ADAMTSL1: variants seen among roughly 807,000 people sequenced by gnomAD.
ADAMTSL1 encodes the protein ADAMTS-like protein 1.
In ADAMTSL1, 126 loss-of-function variants were observed where a neutral mutation model predicts 201.8. That is an observed-to-expected ratio of 0.62 (90% CI 0.54 to 0.72). The LOEUF (loss-of-function observed/expected upper bound fraction) is 0.72. Ranked by LOEUF, ADAMTSL1 falls within the 30% of genes least tolerant of loss-of-function variation. ADAMTSL1 has a pLI of 0.00. For missense variants in ADAMTSL1, 2,679 were observed against 2,277.8 expected (o/e 1.18, Z -3.59); for synonymous variants, 1,121 against 903.4 (o/e 1.24, Z -4.32).
At chr9:18,106,914 A>C (rs1414512509) in intron 1 of ADAMTSL1, among the ~76,000 whole-genome samples, 2 of 152,216 alleles carry the variant, frequency 1.3e-5, no homozygotes, top group Admixed American at 6.5e-5. Flanking sequence ...GCCATGTATT[A>C]GAAGGGTAAT....
rs535522624 is a variant in ADAMTSL1, at chr9:17,972,720, A to G, written c.87+65798A>G. On this transcript the variant is annotated intron_variant, in intron 1 of 29. Transcript: ENST00000680146. The stretch of plus-strand genomic sequence containing the variant: ...GGTCAAATGGTATTTCTAGTTCTAG[A>G]TCCCTGAGGAATTGCCACACTGACT... Among the ~76,000 whole-genome samples, 113 of 150,432 alleles carry G rather than the reference A, an allele frequency of 7.5e-4. 1 individual carries two copies. Among genetic ancestry groups the G allele is most frequent in the South Asian group, 3.6e-3 (17 of 4,686 alleles).
intron 26 of ADAMTSL1, among the ~76,000 whole-genome samples, chr9:18,897,818 T>C (rs1053856430): frequency 2.6e-5 from 4 of 151,982 alleles, no homozygotes; most frequent in Non-Finnish European, 4.4e-5. Context: ...ATCCAACACT[T>C]CTCCTGCAAG....
intron 2 of ADAMTSL1, among the ~76,000 whole-genome samples, chr9:18,173,136 G>T (rs1309831422): frequency 6.6e-6 from 1 of 152,078 alleles, no homozygotes; most frequent in Non-Finnish European, 1.5e-5. Flanking sequence ...CATTATTTCA[G>T]TGTGCTTTAA....
intron 1 of ADAMTSL1, among the ~76,000 whole-genome samples, chr9:17,974,548 C>T (rs375087642): frequency 1.3e-5 from 2 of 152,038 alleles, no homozygotes; most frequent in African/African-American, 2.4e-5. Flanking sequence ...CCCTGGCAAT[C>T]ACCATTCTGC....
chr9:18,663,911 C>T (rs375309742), intron 9 of ADAMTSL1, among the ~76,000 whole-genome samples: 136 of 152,216 alleles, frequency 8.9e-4, no homozygotes, highest in African/African-American at 3.1e-3. Context: ...AAAGGCCATT[C>T]TGCAGTGAAA....
intron 1 of ADAMTSL1, among the ~76,000 whole-genome samples, chr9:17,990,624 C>T (rs984827053): frequency 1.3e-5 from 2 of 151,906 alleles, no homozygotes; most frequent in Non-Finnish European, 2.9e-5. Context: ...CTGGTTGTCA[C>T]GTTTAATTAT....
intron 1 of ADAMTSL1, among the ~76,000 whole-genome samples, chr9:18,033,821 C>G (rs1302685199): frequency 2.6e-5 from 4 of 152,158 alleles, no homozygotes; most frequent in Admixed American, 6.5e-5. Context: ...AGGGGAGACC[C>G]CTCTCTTATA....
intron 23 of ADAMTSL1, among the ~76,000 whole-genome samples, chr9:18,872,202 C>A (rs971720354): frequency 6.6e-6 from 1 of 152,006 alleles, no homozygotes; most frequent in Non-Finnish European, 1.5e-5. Flanking sequence ...CTTGGTTAAA[C>A]AAGTATTGGA....
chr9:18,187,243 G>T (rs1435055622), intron 2 of ADAMTSL1, among the ~76,000 whole-genome samples: 1 of 152,062 alleles, frequency 6.6e-6, no homozygotes, highest in Non-Finnish European at 1.5e-5. Context: ...ACTCTCCATG[G>T]AGTACAGTCC....
At chr9:18,131,331 C>G (rs899350946) in intron 1 of ADAMTSL1, among the ~76,000 whole-genome samples, 1 of 152,116 alleles carries the variant, frequency 6.6e-6, no homozygotes, top group Non-Finnish European at 1.5e-5. Flanking sequence ...GGAAATTTGT[C>G]TTCAAATAAT....
intron 21 of ADAMTSL1, among the ~76,000 whole-genome samples, chr9:18,824,028 G>GGAAGGAAC (rs1037947772): frequency 6.6e-6 from 1 of 150,750 alleles, no homozygotes; most frequent in African/African-American, 2.4e-5. Context: ...AAAGAAGGAA[G>GGAAGGAAC]GAAGGAACGA....
At chr9:18,694,290 T>A (rs519878) in intron 13 of ADAMTSL1, among the ~76,000 whole-genome samples, 125,530 of 152,052 alleles carry the variant, frequency 0.83, 52,351 homozygotes, top group Admixed American at 0.9. Context: ...TCTCATGCCC[T>A]TCTCATGTTG....
chr9:17,976,417 G>A (rs1818451095), intron 1 of ADAMTSL1, among the ~76,000 whole-genome samples: 1 of 151,686 alleles, frequency 6.6e-6, no homozygotes, highest in Non-Finnish European at 1.5e-5. Context: ...GTATTTTATA[G>A]TTTTTGGTGT....
intron 23 of ADAMTSL1, among the ~76,000 whole-genome samples, chr9:18,844,783 G>T (rs1320050163): frequency 1.3e-5 from 2 of 152,340 alleles, no homozygotes; most frequent in Non-Finnish European, 2.9e-5. Flanking sequence ...ATTGCAGTTT[G>T]ATCTCAGACT....
intron 1 of ADAMTSL1, among the ~76,000 whole-genome samples, chr9:18,079,277 T>C (rs947993351): frequency 2.0e-5 from 3 of 152,238 alleles, no homozygotes; most frequent in African/African-American, 4.8e-5. Flanking sequence ...TTTTTGAAGA[T>C]TTATATTCTG....
chr9:18,340,098 A>C (rs774216989), intron 2 of ADAMTSL1, among the ~76,000 whole-genome samples: 1 of 152,136 alleles, frequency 6.6e-6, no homozygotes, highest in East Asian at 1.9e-4. Flanking sequence ...CTTAAAATCT[A>C]TTGATGTCTT....
chr9:18,093,998 AG>A (rs1260224963), intron 1 of ADAMTSL1, among the ~76,000 whole-genome samples: 1 of 152,148 alleles, frequency 6.6e-6, no homozygotes, highest in Non-Finnish European at 1.5e-5. Flanking sequence ...GCGGAATTCT[AG>A]GTTTGGGAGT....
chr9:18,742,043 C>T (rs576556313), intron 15 of ADAMTSL1, among the ~76,000 whole-genome samples: 1 of 152,124 alleles, frequency 6.6e-6, no homozygotes, highest in South Asian at 2.1e-4. Flanking sequence ...GACGCATAGC[C>T]ATCTTCCCCT....
intron 2 of ADAMTSL1, among the ~76,000 whole-genome samples, chr9:18,453,915 T>G (rs565642703): frequency 9.0e-4 from 137 of 152,290 alleles, no homozygotes; most frequent in African/African-American, 3.1e-3. Flanking sequence ...TTAAGGAAAC[T>G]CATTCTTATA....
Sources: gnomAD v4.1 joint callset for allele counts (sites outside exome capture counted in the v4.1 genomes callset) on GRCh38, gnomAD v4.1.1 for gene constraint, MANE v1.5 for transcripts, NCBI Gene and HGNC (gene_info 2026-07-23, HGNC 2026-07-21) for gene names.